Variants in NRXN1 observed in about 807,000 individuals in gnomAD.
The protein encoded by NRXN1 is neurexin 1, also known as neurexin-1.
NRXN1 carries 39 observed loss-of-function variants against 150.9 expected under a neutral mutation model. That is an observed-to-expected ratio of 0.26 (90% CI 0.20 to 0.34). The LOEUF (loss-of-function observed/expected upper bound fraction) is 0.34, where lower values mean the gene tolerates loss of function less well. NRXN1 is among the 10% of genes least tolerant of loss of function. The pLI, the probability that NRXN1 is intolerant of heterozygous loss-of-function variation, is 1.00. For synonymous variants in NRXN1, 924 were observed against 757.0 expected, an observed-to-expected ratio of 1.22 and a Z score of -3.62; for missense variants, 1,815 against 1,949.9, an observed-to-expected ratio of 0.93 and a Z score of 1.30.
intron 18 of NRXN1, among the ~76,000 whole-genome samples, chr2:50,219,629 G>A (rs1484705337): frequency 1.3e-5 from 2 of 151,402 alleles, no homozygotes; most frequent in East Asian, 3.9e-4. Flanking sequence ...GCTCACTCCT[G>A]TAGCTGCAAC....
intron 5 of NRXN1, among the ~76,000 whole-genome samples, chr2:50,789,358 C>T (rs1391362175): frequency 2.6e-5 from 4 of 152,156 alleles, no homozygotes; most frequent in Non-Finnish European, 5.9e-5. Context: ...GAAGCTTCAT[C>T]TTTCAAGCAC....
chr2:50,902,991 A>G (rs981011872), intron 5 of NRXN1, among the ~76,000 whole-genome samples: 1 of 152,178 alleles, frequency 6.6e-6, no homozygotes, highest in Non-Finnish European at 1.5e-5. Flanking sequence ...CAAACCAAAA[A>G]CAAGTATTTA....
chr2:51,013,787 C>T (rs983027699), intron 2 of NRXN1, among the ~76,000 whole-genome samples: 5 of 152,002 alleles, frequency 3.3e-5, no homozygotes, highest in African/African-American at 4.8e-5. Flanking sequence ...CTCTTTCCTT[C>T]GGCCTAAACC....
At chr2:50,590,255 A>G (rs776742942) in intron 8 of NRXN1, among the ~76,000 whole-genome samples, 2 of 152,196 alleles carry the variant, frequency 1.3e-5, no homozygotes, top group African/African-American at 2.4e-5. Context: ...TACTTTTTTA[A>G]AAAATGGAGT....
intron 5 of NRXN1, among the ~76,000 whole-genome samples, chr2:50,676,217 C>G (rs1689519438): frequency 6.6e-6 from 1 of 152,132 alleles, no homozygotes. Flanking sequence ...CATTCACCTT[C>G]TGTCATGATT....
At chr2:50,103,962 C>T (rs557922626) in intron 18 of NRXN1, among the ~76,000 whole-genome samples, 5 of 152,130 alleles carry the variant, frequency 3.3e-5, no homozygotes, top group African/African-American at 1.2e-4. Context: ...CCATCTCAGG[C>T]CCATTGCTCT....
At chr2:50,768,122 C>T (rs1166368907) in intron 5 of NRXN1, among the ~76,000 whole-genome samples, 2 of 152,098 alleles carry the variant, frequency 1.3e-5, no homozygotes, top group Non-Finnish European at 2.9e-5. Flanking sequence ...CAACCAACCC[C>T]TTTTCCCATG....
At chr2:50,382,602 C>T (rs1169703044) in intron 17 of NRXN1, among the ~76,000 whole-genome samples, 1 of 152,118 alleles carries the variant, frequency 6.6e-6, no homozygotes, top group Non-Finnish European at 1.5e-5. Context: ...TCTGAAATAG[C>T]CTATGGCCAG....
At chr2:50,803,529 G>C (rs907508963) in intron 5 of NRXN1, among the ~76,000 whole-genome samples, 1 of 152,098 alleles carries the variant, frequency 6.6e-6, no homozygotes, top group Non-Finnish European at 1.5e-5. Context: ...TGTATAAATC[G>C]TGCAATAACA....
chr2:50,621,580 G>T (rs1044670655), intron 6 of NRXN1, among the ~76,000 whole-genome samples: 3 of 152,072 alleles, frequency 2.0e-5, no homozygotes, highest in African/African-American at 7.2e-5. Context: ...ACATCTGAGA[G>T]ACATTGGAAA....
At chr2:49,952,390 C>T (rs1196972149) in intron 21 of NRXN1, among the ~76,000 whole-genome samples, 1 of 152,018 alleles carries the variant, frequency 6.6e-6, no homozygotes, top group Non-Finnish European at 1.5e-5. Flanking sequence ...GATATGGCAG[C>T]ACATCATGTA....
intron 17 of NRXN1, among the ~76,000 whole-genome samples, chr2:50,265,952 TA>T (rs1020123352): frequency 3.3e-5 from 5 of 149,290 alleles, no homozygotes; most frequent in African/African-American, 9.8e-5. Context: ...TTTTTTATTT[TA>T]TTTATTTCTT....
intron 2 of NRXN1, among the ~76,000 whole-genome samples, chr2:51,017,271 T>G (rs1668826849): frequency 6.6e-6 from 1 of 151,560 alleles, no homozygotes; most frequent in Admixed American, 6.6e-5. Context: ...AATAAATAAA[T>G]ATCAAAAGCA....
intron 22 of NRXN1, among the ~76,000 whole-genome samples, chr2:49,931,327 T>C (rs914060395): frequency 1.3e-5 from 2 of 152,130 alleles, no homozygotes; most frequent in African/African-American, 4.8e-5. Context: ...TTGGGATCAA[T>C]ATACAATAAT....
chr2:50,424,243 A>G (rs1572918132), intron 17 of NRXN1, among the ~76,000 whole-genome samples: 2 of 100,342 alleles, frequency 2.0e-5, no homozygotes, highest in South Asian at 4.7e-4. Flanking sequence ...GAAGAGGAGG[A>G]GGAAGAAAGT....
chr2:50,226,179 A>G (rs2064354220), intron 18 of NRXN1, among the ~76,000 whole-genome samples: 2 of 151,860 alleles, frequency 1.3e-5, no homozygotes, highest in Non-Finnish European at 2.9e-5. Flanking sequence ...CTGAGTATAT[A>G]TTTTTTCCTT....
chr2:50,944,676 TG>T (rs1306185349), intron 2 of NRXN1, among the ~76,000 whole-genome samples: 2 of 152,202 alleles, frequency 1.3e-5, no homozygotes, highest in African/African-American at 2.4e-5. Context: ...GAATGCCAAT[TG>T]ATTTCCAAAA....
At chr2:50,681,779 G>A (rs540935386) in intron 5 of NRXN1, among the ~76,000 whole-genome samples, 2 of 152,256 alleles carry the variant, frequency 1.3e-5, no homozygotes, top group Middle Eastern at 3.4e-3. Flanking sequence ...ACTAATCAAA[G>A]CAAGTGGTTT....
At chr2:50,533,311 T>C (rs1049448520) in intron 10 of NRXN1, among the ~76,000 whole-genome samples, 16 of 152,178 alleles carry the variant, frequency 1.1e-4, no homozygotes, top group African/African-American at 2.9e-4. Flanking sequence ...AAATTTTCAA[T>C]TGGAATATGA....
Sources: gnomAD v4.1 joint callset for allele counts (sites outside exome capture counted in the v4.1 genomes callset) on GRCh38, gnomAD v4.1.1 for gene constraint, MANE v1.5 for transcripts, NCBI Gene and HGNC (gene_info 2026-07-23, HGNC 2026-07-21) for gene names.